The following ACYP2 variants were observed in gnomAD, a reference collection of about 807,000 sequenced individuals.
ACYP2 encodes the protein acylphosphatase-2.
A neutral mutation model predicts 11.2 loss-of-function variants in ACYP2; 12 were observed. The observed-to-expected ratio is 1.08, with a 90% CI of 0.69 to 1.74. ACYP2 has a LOEUF of 1.74. Among genes scored for constraint, ACYP2 ranks in the 40% most tolerant of loss-of-function variants. The pLI is 0.00. For synonymous variants in ACYP2, 43 were observed against 32.2 expected, an observed-to-expected ratio of 1.33 and a Z score of -1.13; for missense variants, 134 against 101.9, an observed-to-expected ratio of 1.31 and a Z score of -1.35.
At chr2:53,973,212 C>T (rs1022534868) in intron 1 of ACYP2, among the ~76,000 whole-genome samples, 5 of 152,052 alleles carry the variant, frequency 3.3e-5, no homozygotes, top group Non-Finnish European at 5.9e-5. Flanking sequence ...AGAACAGTGT[C>T]GTTGGAGTGT....
chr2:54,191,150 C>T (rs1486000580), intron 6 of ACYP2, among the ~76,000 whole-genome samples: 1 of 151,982 alleles, frequency 6.6e-6, no homozygotes, highest in East Asian at 1.9e-4. Context: ...TTCCCCTGTG[C>T]CCCCAACAGT....
rs537363146 is a variant in ACYP2, at chr2:54,250,274, C to T, written c.405-54414C>T. On this transcript the variant is annotated intron_variant, in intron 6 of 6. Transcript: ENST00000607452. ...CTGGCAGATCACGAGGTCAGGAGTTCGAGACCAGCGTGGCCAGCATGGTGA... is the reference window on the plus strand; with the variant it reads ...CTGGCAGATCACGAGGTCAGGAGTTTGAGACCAGCGTGGCCAGCATGGTGA... 9.2e-5 allele frequency among the ~76,000 whole-genome samples: 14 copies of T among 152,160 alleles called. No individual in the cohort carries two copies. The South Asian group carries it at 1.9e-3, about 20-fold the overall frequency.
intron 6 of ACYP2, among the ~76,000 whole-genome samples, chr2:54,185,894 T>C (rs1444883336): frequency 2.6e-5 from 4 of 152,100 alleles, no homozygotes; most frequent in South Asian, 2.1e-4. Context: ...TAAAACATTA[T>C]ATGCCAAGGA....
intron 6 of ACYP2, among the ~76,000 whole-genome samples, chr2:54,248,324 G>A (rs1038870223): frequency 6.6e-6 from 1 of 152,150 alleles, no homozygotes; most frequent in Non-Finnish European, 1.5e-5. Context: ...TTGACCATAT[G>A]ATAGGTGGAA....
At chr2:54,092,578 C>G (rs537073793) in intron 4 of ACYP2, among the ~76,000 whole-genome samples, 128 of 152,260 alleles carry the variant, frequency 8.4e-4, no homozygotes, top group African/African-American at 2.8e-3. Context: ...TGAGGGGAAT[C>G]TAGAATTGGT....
intron 2 of ACYP2, among the ~76,000 whole-genome samples, chr2:54,035,612 G>T (rs905730806): frequency 6.6e-6 from 1 of 152,044 alleles, no homozygotes; most frequent in African/African-American, 2.4e-5. Context: ...TTGAGTAGTG[G>T]TATTAAATTT....
intron 4 of ACYP2, among the ~76,000 whole-genome samples, chr2:54,081,711 A>G (rs1489926801): frequency 2.0e-5 from 3 of 152,184 alleles, no homozygotes; most frequent in African/African-American, 7.2e-5. Flanking sequence ...TTTTGTTTTC[A>G]TTAGGTATCT....
intron 6 of ACYP2, among the ~76,000 whole-genome samples, chr2:54,257,997 A>G (rs1332960359): frequency 6.6e-6 from 1 of 152,192 alleles, no homozygotes; most frequent in Non-Finnish European, 1.5e-5. Context: ...AACATTCAAC[A>G]AATATTTATT....
chr2:54,097,645 T>G (rs1047739842), intron 4 of ACYP2, among the ~76,000 whole-genome samples: 1 of 151,802 alleles, frequency 6.6e-6, no homozygotes, highest in Non-Finnish European at 1.5e-5. Flanking sequence ...CTTCCACAAT[T>G]TGCAACATTT....
intron 2 of ACYP2, chr2:54,029,591 G>T (rs1674476117): frequency 5.1e-6 from 2 of 390,088 alleles, no homozygotes; most frequent in South Asian, 2.2e-5. Flanking sequence ...GTTGAATCCA[G>T]GTAACTTTCT....
chr2:54,121,292 G>A (rs1680142192), intron 4 of ACYP2, among the ~76,000 whole-genome samples: 1 of 152,080 alleles, frequency 6.6e-6, no homozygotes, highest in Non-Finnish European at 1.5e-5. Context: ...TCAGAATGGG[G>A]TGTATGCTAA....
intron 6 of ACYP2, among the ~76,000 whole-genome samples, chr2:54,300,424 G>A: frequency 6.6e-6 from 1 of 152,198 alleles, no homozygotes; most frequent in Non-Finnish European, 1.5e-5. Flanking sequence ...CACCTCACTA[G>A]AGTTCATGTA....
intron 4 of ACYP2, among the ~76,000 whole-genome samples, chr2:54,097,640 A>G (rs967152419): frequency 5.3e-5 from 8 of 151,900 alleles, no homozygotes; most frequent in African/African-American, 1.9e-4. Flanking sequence ...CACAGCTTCC[A>G]CAATTTGCAA....
chr2:54,289,850 C>T (rs772747627), intron 6 of ACYP2, among the ~76,000 whole-genome samples: 8 of 151,888 alleles, frequency 5.3e-5, no homozygotes, highest in South Asian at 2.1e-4. Flanking sequence ...TTTTGATTCT[C>T]GTCAAATATT....
chr2:54,148,228 A>T (rs1681985617), intron 6 of ACYP2, among the ~76,000 whole-genome samples: 1 of 152,050 alleles, frequency 6.6e-6, no homozygotes, highest in Non-Finnish European at 1.5e-5. Context: ...AGACTGAGAA[A>T]TTGGCTTGGT....
intron 6 of ACYP2, among the ~76,000 whole-genome samples, chr2:54,209,715 G>A (rs1190696805): frequency 6.6e-6 from 1 of 152,096 alleles, no homozygotes; most frequent in African/African-American, 2.4e-5. Context: ...TGTTAAAAAA[G>A]GGGTTCCTTT....
At chr2:54,168,755 T>A (rs76980209) in intron 6 of ACYP2, among the ~76,000 whole-genome samples, 1 of 152,206 alleles carries the variant, frequency 6.6e-6, no homozygotes, top group African/African-American at 2.4e-5. Flanking sequence ...TGGGAAAATG[T>A]AAAATGGATG....
rs570185576 is a variant in ACYP2 at position 54,287,798 on chromosome 2, G to A, written c.405-16890G>A. 6.6e-5 allele frequency among the ~76,000 whole-genome samples: 10 copies of A among 152,106 alleles called. No individual in the cohort carries two copies. In the South Asian group the frequency reaches 2.1e-3, roughly 32 times the overall value. ...TCAGCCTCAGAGCTGCTCTTGGCAA[G>A]TACTGCAAAGATGAGGTTTCCCTGT... On this transcript the variant is annotated intron_variant, in intron 6 of 6. Transcript: ENST00000607452.
At chr2:54,188,906 C>A (rs1421321695) in intron 6 of ACYP2, among the ~76,000 whole-genome samples, 1 of 152,210 alleles carries the variant, frequency 6.6e-6, no homozygotes, top group Non-Finnish European at 1.5e-5. Context: ...TGCAGACAAA[C>A]AGCCCCTCCG....
Sources: gnomAD v4.1 joint callset for allele counts (sites outside exome capture counted in the v4.1 genomes callset) on GRCh38, gnomAD v4.1.1 for gene constraint, MANE v1.5 for transcripts, NCBI Gene and HGNC (gene_info 2026-07-23, HGNC 2026-07-21) for gene names.